Variants in VWF observed in about 807,000 individuals in gnomAD.
VWF encodes Factor VIII related antigen.
In VWF, 176 loss-of-function variants were observed where a neutral mutation model predicts 308.6. The observed-to-expected ratio is 0.57, with a 90% CI of 0.50 to 0.65. The LOEUF is 0.65. VWF is among the 30% of genes least tolerant of loss of function. The pLI is 0.00. For synonymous variants in VWF, 1,385 were observed against 1,443.4 expected (o/e 0.96, Z 0.92); for missense variants, 3,146 against 3,648.2 (o/e 0.86, Z 3.55).
chr12:6,003,965 G>A (rs1194831189), intron 34 of VWF, among the ~76,000 whole-genome samples: 3 of 151,824 alleles, frequency 2.0e-5, no homozygotes, highest in Admixed American at 6.6e-5. Context: ...ACAGGCGCCC[G>A]CCACCACGCC....
intron 47 of VWF, among the ~76,000 whole-genome samples, chr12:5,958,644 AT>A (rs1943277361): frequency 6.6e-6 from 1 of 151,962 alleles, no homozygotes; most frequent in Non-Finnish European, 1.5e-5. Flanking sequence ...AGCCATGATC[AT>A]ACCGCTGCAC....
chr12:6,012,703 A>G (rs7315478), intron 32 of VWF, among the ~76,000 whole-genome samples: 66,762 of 129,954 alleles, frequency 0.51, 16,788 homozygotes, highest in Middle Eastern at 0.68. Context: ...GTGTGTGTGT[A>G]TTTTTTTTTT....
At chr12:6,029,568 C>T (rs1163743566) in intron 21 of VWF, 80 bp from the exon 22 acceptor site, 6 of 1,574,010 alleles carry the variant, frequency 3.8e-6, no homozygotes, top group African/African-American at 1.4e-5. Context: ...TCTACACCTG[C>T]CCATCTGTCT....
chr12:5,980,230 GGGAGGGAGGGA>G (rs1943589870), intron 42 of VWF, among the ~76,000 whole-genome samples: 1 of 63,444 alleles, frequency 1.6e-5, no homozygotes, highest in African/African-American at 5.6e-5. Flanking sequence ...GAGGGAGGGA[GGGAGGGAGGGA>G]AGGAAGGAAG....
intron 42 of VWF, among the ~76,000 whole-genome samples, chr12:5,979,316 A>G (rs1367627677): frequency 6.6e-6 from 1 of 152,262 alleles, no homozygotes; most frequent in Admixed American, 6.5e-5. Flanking sequence ...AAAAGTCACA[A>G]TTTTGAAACT....
chr12:6,042,033 C>T (rs1334379132), intron 18 of VWF, among the ~76,000 whole-genome samples: 1 of 152,154 alleles, frequency 6.6e-6, no homozygotes, highest in Non-Finnish European at 1.5e-5. Flanking sequence ...CTCCTTGGGG[C>T]CCACAGCCAT....
intron 6 of VWF, among the ~76,000 whole-genome samples, chr12:6,087,123 C>G (rs180974987): frequency 4.6e-5 from 7 of 152,248 alleles, no homozygotes; most frequent in Admixed American, 4.6e-4. Flanking sequence ...TGAGGCTATT[C>G]AGTGACTGAC....
chr12:6,070,905 C>A (rs16932406), intron 10 of VWF, among the ~76,000 whole-genome samples: 20 of 152,292 alleles, frequency 1.3e-4, no homozygotes, highest in African/African-American at 4.8e-4. Context: ...TTAGAACTGT[C>A]CCTTCAAGCC....
intron 18 of VWF, among the ~76,000 whole-genome samples, chr12:6,038,712 G>T (rs867144613): frequency 1.3e-5 from 2 of 152,250 alleles, no homozygotes; most frequent in Admixed American, 6.5e-5. Context: ...GCAAGAGGAG[G>T]TTATTAATTC....
intron 34 of VWF, among the ~76,000 whole-genome samples, chr12:6,004,769 C>T (rs564338411): frequency 3.3e-5 from 5 of 151,350 alleles, no homozygotes; most frequent in Non-Finnish European, 5.9e-5. Context: ...CCTTTATATA[C>T]ACAAATAATA....
rs1346961148 is a variant in VWF, at chr12:6,012,128, A to C, written c.5623T>G (p.Phe1875Val). The C allele has an allele frequency of 6.2e-7, 1 of 1,613,978 alleles. No homozygotes were observed. The highest frequency in any genetic ancestry group is 1.7e-5 in the Admixed American group (1 of 60,022). The stretch of plus-strand genomic sequence containing the variant: ...TCCTCATCCATGCAAATCCTAACAA[A>C]TCCTGCAACAGACACAAATAAGACC... ...NSFLHKLCSG[F>V]VRICMDEDGN... The change falls in exon 33 of 52, where the codon TTT (phenylalanine) becomes GTT (valine). Residue 1875 changes from phenylalanine to valine, a missense_variant and splice_region_variant. Coordinates refer to ENST00000261405, the MANE Select transcript of VWF (RefSeq NM_000552.5).
intron 6 of VWF, among the ~76,000 whole-genome samples, chr12:6,092,618 A>AGAGAGAGAGAGAGTGTGTGT (rs1301391895): frequency 1.5e-5 from 1 of 66,150 alleles, no homozygotes; most frequent in Admixed American, 1.3e-4. Flanking sequence ...AGTGAGTGAG[A>AGAGAGAGAGAGAGTGTGTGT]GTGTGTGTGT....
In VWF at chr12:5,994,627, C is replaced by A. The variant is rs556119499; in HGVS notation, c.6064-20G>T. The A allele has an allele frequency of 6.2e-7, 1 of 1,613,038 alleles. No homozygotes were observed. The highest frequency in any genetic ancestry group is 8.5e-7 in the Non-Finnish European group (1 of 1,179,076). Reference sequence around the variant, plus strand: ...CGTCACCTGCACAAAGAAGAAAGAGCTCATCCGTAGTCCTAGCAATGAGGA... The same window carrying A: ...CGTCACCTGCACAAAGAAGAAAGAGATCATCCGTAGTCCTAGCAATGAGGA... On this transcript the variant is annotated intron_variant, in intron 35 of 51. Transcript: ENST00000261405.
rs138510917 is a variant in VWF, at chr12:5,949,325, C to T, written c.8254-122G>A. The T allele has an allele frequency of 3.2e-6, 3 of 947,520 alleles. No homozygotes were observed. The East Asian group carries it at 7.6e-5, about 24-fold the overall frequency. The allele number at this position is 947,520 out of a possible 1,614,324, so 58.7% of individuals were successfully genotyped here. A position where few individuals can be genotyped will look rare whatever the true frequency, so the allele number is the denominator to read the frequency against. On this transcript the variant is annotated intron_variant, in intron 51 of 51. Coordinates refer to ENST00000261405, the MANE Select transcript of VWF (RefSeq NM_000552.5). ...CAAGCAAGGCAGGTCTGATCTCACC[C>T]AGAAGCACCCAGGACAGCTAGGCAA... is the stretch of plus-strand genomic sequence containing the variant.
intron 44 of VWF, among the ~76,000 whole-genome samples, chr12:5,970,568 C>A (rs1473678371): frequency 6.6e-6 from 1 of 152,058 alleles, no homozygotes; most frequent in Non-Finnish European, 1.5e-5. Flanking sequence ...AGCAGAAGCA[C>A]TAAAAGGTGG....
intron 7 of VWF, among the ~76,000 whole-genome samples, chr12:6,074,666 A>G (rs1048753574): frequency 1.9e-4 from 29 of 152,114 alleles, no homozygotes; most frequent in African/African-American, 7.0e-4. Flanking sequence ...TCATCTGTGG[A>G]ACCATCACAG....
chr12:6,022,052 T>C lies in VWF; in HGVS notation c.3539-17A>G. On this transcript the variant is annotated splice_polypyrimidine_tract_variant and intron_variant, in intron 26 of 51. Transcript: ENST00000261405. Reference sequence around the variant, plus strand: ...GGATTTTCCCTGCAAAAGAAAGCTCTCATTAGGAACCAAAACGCTCCCCTT... The same window carrying C: ...GGATTTTCCCTGCAAAAGAAAGCTCCCATTAGGAACCAAAACGCTCCCCTT... The C allele has an allele frequency of 6.2e-7, 1 of 1,614,012 alleles. No homozygotes were observed. Among genetic ancestry groups the C allele is most frequent in the Non-Finnish European group, 8.5e-7 (1 of 1,179,982 alleles).
chr12:6,086,390 C>T (rs1308700015), intron 6 of VWF, among the ~76,000 whole-genome samples: 1 of 152,116 alleles, frequency 6.6e-6, no homozygotes, highest in Non-Finnish European at 1.5e-5. Context: ...TGGGTGGGCA[C>T]CCCAACTCTA....
chr12:5,966,458 G>A (rs1351560155), intron 47 of VWF, among the ~76,000 whole-genome samples: 2 of 152,064 alleles, frequency 1.3e-5, no homozygotes, highest in South Asian at 4.2e-4. Flanking sequence ...AGACCCATCC[G>A]CTCCATACTT....
Sources: allele counts gnomAD v4.1 joint callset (sites outside exome capture counted in the v4.1 genomes callset), GRCh38; gene constraint gnomAD v4.1.1; transcripts MANE v1.5; gene names NCBI Gene and HGNC (gene_info 2026-07-23, HGNC 2026-07-21).